Variants in CSMD1 observed in about 807,000 individuals in gnomAD.
CSMD1 encodes the protein CUB and sushi domain-containing protein 1.
In CSMD1, 213 loss-of-function variants were observed where a neutral mutation model predicts 417.5. That is an observed-to-expected ratio of 0.51 (90% CI 0.46 to 0.57). CSMD1 has a LOEUF of 0.57. Ranked by LOEUF, CSMD1 falls within the 20% of genes least tolerant of loss-of-function variation. The probability of loss-of-function intolerance (pLI) is 0.00; values close to 1 mark genes in which losing one functional copy is unlikely to be tolerated. For synonymous variants in CSMD1, 2,862 were observed against 1,736.8 expected (o/e 1.65, Z -16.11); for missense variants, 6,923 against 4,529.7 (o/e 1.53, Z -15.17).
At chr8:3,249,816 A>G (rs567723198) in intron 26 of CSMD1, among the ~76,000 whole-genome samples, 12 of 152,316 alleles carry the variant, frequency 7.9e-5, no homozygotes, top group Admixed American at 7.8e-4. Context: ...TTTGTTTGCA[A>G]TTTAGTGATG....
intron 1 of CSMD1, among the ~76,000 whole-genome samples, chr8:4,806,898 T>G (rs1004076563): frequency 1.3e-5 from 2 of 152,178 alleles, no homozygotes; most frequent in Non-Finnish European, 2.9e-5. Flanking sequence ...TCCTAGGAGT[T>G]GAATGAGCAA....
chr8:3,394,593 A>C (rs550082235), intron 17 of CSMD1, among the ~76,000 whole-genome samples: 17 of 149,626 alleles, frequency 1.1e-4, no homozygotes, highest in African/African-American at 3.4e-4. Context: ...CATGCACTAT[A>C]TATCTAAGAG....
intron 1 of CSMD1, among the ~76,000 whole-genome samples, chr8:4,851,123 C>T (rs866602266): frequency 6.7e-5 from 9 of 134,070 alleles, no homozygotes; most frequent in African/African-American, 8.0e-5. Context: ...CAACAGTCCC[C>T]GGAGTGTGAT....
intron 3 of CSMD1, among the ~76,000 whole-genome samples, chr8:4,184,333 C>G (rs1798544708): frequency 6.6e-6 from 1 of 152,084 alleles, no homozygotes; most frequent in African/African-American, 2.4e-5. Flanking sequence ...GAGTTTTAGA[C>G]AAGTCATTAG....
intron 5 of CSMD1, among the ~76,000 whole-genome samples, chr8:3,946,749 A>G (rs533726127): frequency 1.3e-5 from 2 of 152,064 alleles, no homozygotes; most frequent in African/African-American, 4.8e-5. Flanking sequence ...TCTCTCAGCT[A>G]TGTTTTACAG....
chr8:4,203,122 T>C (rs1260198800), intron 3 of CSMD1, among the ~76,000 whole-genome samples: 2 of 152,212 alleles, frequency 1.3e-5, no homozygotes, highest in South Asian at 2.1e-4. Flanking sequence ...TGTCATAACA[T>C]TTCTTAAAAG....
At chr8:2,988,756 A>C (rs982800265) in intron 54 of CSMD1, among the ~76,000 whole-genome samples, 1 of 152,172 alleles carries the variant, frequency 6.6e-6, no homozygotes, top group Non-Finnish European at 1.5e-5. Flanking sequence ...AGTATAATGA[A>C]TTTTCTTTAG....
chr8:4,090,473 AAAAC>A (rs1173514031), intron 3 of CSMD1, among the ~76,000 whole-genome samples: 3 of 152,206 alleles, frequency 2.0e-5, no homozygotes, highest in East Asian at 1.9e-4. Context: ...TTTAAAATAA[AAAAC>A]AAACAGCTAG....
At chr8:4,448,142 A>G (rs1798926534) in intron 2 of CSMD1, among the ~76,000 whole-genome samples, 1 of 152,202 alleles carries the variant, frequency 6.6e-6, no homozygotes, top group Admixed American at 6.5e-5. Context: ...ACCAATGTGT[A>G]TCGCTCGTAT....
chr8:3,284,578 T>G (rs187545532), intron 25 of CSMD1: 4 of 525,176 alleles, frequency 7.6e-6, no homozygotes, highest in Non-Finnish European at 1.4e-5. Context: ...CGCAGAGAGA[T>G]AGGTGAGCTA....
At chr8:4,180,543 A>G (rs1305136967) in intron 3 of CSMD1, among the ~76,000 whole-genome samples, 5 of 151,936 alleles carry the variant, frequency 3.3e-5, no homozygotes, top group Admixed American at 6.6e-5. Context: ...TAACCTGCAC[A>G]TTGTGCACAT....
At chr8:4,163,718 G>A (rs1797294936) in intron 3 of CSMD1, among the ~76,000 whole-genome samples, 1 of 152,118 alleles carries the variant, frequency 6.6e-6, no homozygotes, top group African/African-American at 2.4e-5. Flanking sequence ...TGGTGGATGT[G>A]ATGATCTTGA....
chr8:4,699,052 G>A (rs960728996), intron 1 of CSMD1, among the ~76,000 whole-genome samples: 2 of 151,946 alleles, frequency 1.3e-5, no homozygotes, highest in African/African-American at 4.8e-5. Flanking sequence ...CCACAGTTTT[G>A]GGAAAAAATG....
At chr8:3,332,686 T>TGC (rs1175108977) in intron 23 of CSMD1, among the ~76,000 whole-genome samples, 2 of 151,336 alleles carry the variant, frequency 1.3e-5, no homozygotes, top group African/African-American at 2.5e-5. Flanking sequence ...CATGTGTGCG[T>TGC]GCGCACACAC....
At chr8:3,749,873 C>A (rs182756603) in intron 6 of CSMD1, among the ~76,000 whole-genome samples, 1 of 151,790 alleles carries the variant, frequency 6.6e-6, no homozygotes, top group East Asian at 1.9e-4. Context: ...CAATGGTGCT[C>A]GCATCTCCTG....
At chr8:3,344,996 T>C (rs1807896686) in intron 22 of CSMD1, among the ~76,000 whole-genome samples, 1 of 152,172 alleles carries the variant, frequency 6.6e-6, no homozygotes, top group African/African-American at 2.4e-5. Context: ...AGAGACTAAA[T>C]GGTTTTAATT....
At chr8:4,787,374 G>T (rs944129123) in intron 1 of CSMD1, 22 of 731,498 alleles carry the variant, frequency 3.0e-5, no homozygotes, top group Admixed American at 4.2e-5. Flanking sequence ...AAAATTGTAT[G>T]AGGGTAAAAC....
At chr8:4,376,157 C>G (rs979758534) in intron 3 of CSMD1, among the ~76,000 whole-genome samples, 1 of 152,250 alleles carries the variant, frequency 6.6e-6, no homozygotes, top group Non-Finnish European at 1.5e-5. Context: ...GCTCTAACAT[C>G]AAGTGTGCTT....
chr8:4,773,324 C>T lies in CSMD1; in HGVS notation c.86-135766G>A, dbSNP rs75634845. Among the ~76,000 whole-genome samples the T allele has an allele frequency of 2.6e-5, 4 of 152,216 alleles. No individual in the cohort carries two copies. The East Asian group carries it at 7.7e-4, about 29-fold the overall frequency. On this transcript the variant is annotated intron_variant, in intron 1 of 69. Coordinates refer to ENST00000635120, the MANE Select transcript of CSMD1 (RefSeq NM_033225.6). ...TGGTGTTTATAAACTTGCAGTTCTG[C>T]CTTCTAAGCTCACTGACTGGTGGCT...
Sources: allele counts gnomAD v4.1 joint callset (sites outside exome capture counted in the v4.1 genomes callset), GRCh38; gene constraint gnomAD v4.1.1; transcripts MANE v1.5; gene names NCBI Gene and HGNC (gene_info 2026-07-23, HGNC 2026-07-21).